The following LZIC variants were observed in gnomAD, a reference collection of about 807,000 sequenced individuals.
LZIC encodes protein LZIC.
LZIC carries 28 observed loss-of-function variants against 25.4 expected under a neutral mutation model. The observed-to-expected ratio is 1.10, with a 90% confidence interval of 0.82 to 1.51. The LOEUF (loss-of-function observed/expected upper bound fraction) is 1.51, where lower values mean the gene tolerates loss of function less well. Among genes scored for constraint, LZIC ranks in the 40% most tolerant of loss-of-function variants. The pLI is 0.00. For missense variants in LZIC, 170 were observed against 211.1 expected (o/e 0.81, Z 1.21); for synonymous variants, 65 against 70.7 (o/e 0.92, Z 0.40).
rs370067410 is a variant in LZIC, at chr1:9,931,225, CCTAG to C, written c.514+662_514+665del. Among the ~76,000 whole-genome samples the C allele has an allele frequency of 8.6e-3, 1,306 of 151,800 alleles. 20 individuals are homozygous for C. The highest frequency in any genetic ancestry group is 0.03 in the African/African-American group (1,254 of 41,360). On this transcript the variant is annotated intron_variant, in intron 7 of 7. Transcript: ENST00000377223. ...AGAACTGTAAGTGCATGCCACCACA[CCTAG>C]CTAATTTTTTTTCTTTTTAATTTTG...
At chr1:9,930,982 G>T (rs1210838993) in intron 7 of LZIC, among the ~76,000 whole-genome samples, 1 of 151,858 alleles carries the variant, frequency 6.6e-6, no homozygotes, top group African/African-American at 2.4e-5. Flanking sequence ...GCCTCCCAAA[G>T]TGCTGGGATT....
Position 9,935,619 on chromosome 1 carries a change from A to C in LZIC, c.110T>G (p.Leu37Arg), listed in dbSNP as rs774979739. 45 of 1,600,734 alleles carry C rather than the reference A, an allele frequency of 2.8e-5. No individual in the cohort carries two copies. Among genetic ancestry groups the C allele is most frequent in the Non-Finnish European group, 3.7e-5 (44 of 1,176,914 alleles). The change falls in exon 4 of 8, where the codon CTT becomes CGT. Residue 37 changes from leucine to arginine, a missense_variant. Physicochemically the swap from Leu to Arg is moderately radical, Grantham distance 102. Transcript: ENST00000377223. ...GGTTTCTTCATATTCATCTGTATCA[A>C]GTTCCTCTCTGAAATAGGTGAACAT... ...LQDLEECREE[L>R]DTDEYEETKK...
At position 9,941,500 on chromosome 1, in the gene LZIC, C is replaced by T. The variant is rs564306686; in HGVS notation, c.-9+1124G>A. Reference sequence around the variant, plus strand: ...GTAAGCTATCGTGCCTAGCCTTTACCTTTTTTTTTTTTTTTTTTGAGATGG... The same window carrying T: ...GTAAGCTATCGTGCCTAGCCTTTACTTTTTTTTTTTTTTTTTTTGAGATGG... On this transcript the variant is annotated intron_variant, in intron 2 of 7. Transcript: ENST00000377223. Among the ~76,000 whole-genome samples the T allele has an allele frequency of 9.8e-5, 13 of 132,454 alleles. No individual in the cohort carries two copies. In the East Asian group the frequency reaches 2.8e-3, roughly 29 times the overall value. The allele number at this position is 132,454 out of a possible 152,430, so 86.9% of individuals were successfully genotyped here. A position where few individuals can be genotyped will look rare whatever the true frequency, so the allele number is the denominator to read the frequency against.
At position 9,930,419 on chromosome 1, in the gene LZIC, C is replaced by T. The variant is rs759443241; in HGVS notation, c.553G>A (p.Val185Ile). Residue 185 changes from valine (V) to isoleucine (I), a missense_variant, in exon 8 of 8, where the codon GTT becomes ATT. Val to Ile is a conservative substitution (Grantham distance 29, BLOSUM62 3). Transcript: ENST00000377223. ...DKILALASFE[V>I]EKTKK is the part of the protein sequence containing the mutation. The stretch of plus-strand genomic sequence containing the variant: ...CCATGTCATTTTTTTGTTTTTTCAA[C>T]CTCAAAACTTGCCAGAGCAAGAATT... The T allele has an allele frequency of 3.7e-6, 6 of 1,613,582 alleles. No individual in the cohort carries two copies. The South Asian group carries it at 5.5e-5, about 15-fold the overall frequency.
chr1:9,930,374 C>A lies in LZIC; in HGVS notation c.*25G>T. On this transcript the variant is annotated 3_prime_UTR_variant, in exon 8 of 8. Coordinates refer to ENST00000377223, the MANE Select transcript of LZIC (RefSeq NM_032368.5). ...ACACCATTTACATTAAGAATGTGAT[C>A]AATGTTACAAGCTTCTGCACCATGT... The A allele has an allele frequency of 6.2e-7, 1 of 1,608,194 alleles. No homozygotes were observed. Among genetic ancestry groups the A allele is most frequent in the South Asian group, 1.1e-5 (1 of 89,828 alleles).
At chr1:9,936,170 T>C (rs976170088) in intron 3 of LZIC, among the ~76,000 whole-genome samples, 11 of 151,398 alleles carry the variant, frequency 7.3e-5, no homozygotes, top group African/African-American at 2.4e-4. Context: ...TGTGGTCCTT[T>C]GTGCAGGTAA....
In LZIC at chr1:9,929,814, A is replaced by C; in HGVS notation, c.*585T>G. On this transcript the variant is annotated 3_prime_UTR_variant, in exon 8 of 8. Transcript: ENST00000377223. Reference sequence around the variant, plus strand: ...TATTTTTTTTAAATGGTACAGAAATAAAATTCAAAAGATACTAAACTGGGA... The same window carrying C: ...TATTTTTTTTAAATGGTACAGAAATCAAATTCAAAAGATACTAAACTGGGA... 1 of 984,558 alleles carries C rather than the reference A, an allele frequency of 1.0e-6. No individual in the cohort carries two copies. Among genetic ancestry groups the C allele is most frequent in the Non-Finnish European group, 1.2e-6 (1 of 829,122 alleles). The allele number at this position is 984,558 out of a possible 1,614,324, so 61.0% of individuals were successfully genotyped here. A position where few individuals can be genotyped will look rare whatever the true frequency, so the allele number is the denominator to read the frequency against.
chr1:9,930,610 C>T (rs565451613), intron 7 of LZIC, among the ~76,000 whole-genome samples, 153 bp from the exon 8 acceptor site: 3 of 152,228 alleles, frequency 2.0e-5, no homozygotes, highest in Non-Finnish European at 4.4e-5. Flanking sequence ...GTTCCCATTG[C>T]CATCCCAATT....
chr1:9,934,982 C>A, intron 4 of LZIC, 122 bp from the exon 5 acceptor site: 1 of 761,984 alleles, frequency 1.3e-6, no homozygotes, highest in African/African-American at 1.7e-5. Flanking sequence ...GAAGCAATTA[C>A]ACAACTAAAT....
chr1:9,939,122 G>T (rs11121502), intron 2 of LZIC, among the ~76,000 whole-genome samples: 15,536 of 151,964 alleles, frequency 0.1, 957 homozygotes, highest in East Asian at 0.27. Context: ...CTGTCGCCCC[G>T]ACTGGAGTGC....
intron 7 of LZIC, among the ~76,000 whole-genome samples, chr1:9,931,609 GC>G (rs1640216895): frequency 6.6e-6 from 1 of 152,122 alleles, no homozygotes; most frequent in African/African-American, 2.4e-5. Context: ...TCACCATGTT[GC>G]CCAGGCTGGT....
At chr1:9,937,847 C>CAAAAAAAAAAAAAA (rs34452687) in intron 2 of LZIC, among the ~76,000 whole-genome samples, 1 of 52,730 alleles carries the variant, frequency 1.9e-5, no homozygotes, top group Non-Finnish European at 3.1e-5. Flanking sequence ...GACCCTGACT[C>CAAAAAAAAAAAAAA]AAAAAAAAAA....
chr1:9,932,976 G>A (rs1640292161), intron 5 of LZIC, 78 bp from the exon 6 acceptor site: 7 of 976,410 alleles, frequency 7.2e-6, no homozygotes, highest in African/African-American at 1.6e-5. Flanking sequence ...TTCAGGCCAG[G>A]CGCAGTGGCT....
rs1640850097 is a variant in LZIC, at chr1:9,943,161, G to A, written c.-168+88C>T. ...CGGGAACTTGAAGTCCGGCACGTAG[G>A]TCCCGCGGCGGCCGGGCTCCAACAG... is the stretch of plus-strand genomic sequence containing the variant. On this transcript the variant is annotated intron_variant, in intron 1 of 7. Coordinates refer to ENST00000377223, the MANE Select transcript of LZIC (RefSeq NM_032368.5). 7 of 175,812 alleles carry A rather than the reference G, an allele frequency of 4.0e-5. No individual in the cohort carries two copies. The South Asian group carries it at 7.6e-4, about 19-fold the overall frequency. 10.9% of individuals were successfully genotyped at this position (175,812 alleles called of 1,614,324 possible). A position where few individuals can be genotyped will look rare whatever the true frequency, so the allele number is the denominator to read the frequency against.
At position 9,941,244 on chromosome 1, in the gene LZIC, G is replaced by A. The variant is rs929338210; in HGVS notation, c.-9+1380C>T. ...ATGGCGTCTCACGGTCACCCAGGTGGAGTGCAGTGGCATGATCTTGGTTCA... is the reference window on the plus strand; with the variant it reads ...ATGGCGTCTCACGGTCACCCAGGTGAAGTGCAGTGGCATGATCTTGGTTCA... On this transcript the variant is annotated intron_variant, in intron 2 of 7. Transcript: ENST00000377223. Among the ~76,000 whole-genome samples the A allele has an allele frequency of 2.6e-5, 4 of 152,046 alleles. No homozygotes were observed. The East Asian group carries it at 7.7e-4, about 29-fold the overall frequency.
chr1:9,931,825 C>T (rs1425342211), intron 7 of LZIC, 66 bp downstream of exon 7: 1 of 1,014,674 alleles, frequency 9.9e-7, no homozygotes. Context: ...CCACACTCTC[C>T]ATCAGTTTGT....
chr1:9,922,870 T>C (rs1433884715), downstream of LZIC, among the ~76,000 whole-genome samples: 1 of 152,164 alleles, frequency 6.6e-6, no homozygotes, highest in African/African-American at 2.4e-5. Flanking sequence ...CTGAAAAGGA[T>C]AAAGGAACTA....
rs1443893110 is a variant in LZIC, at chr1:9,942,621, C to T, written c.-9+3G>A. The T allele has an allele frequency of 1.6e-6, 2 of 1,275,890 alleles. No individual in the cohort carries two copies. The highest frequency in any genetic ancestry group is 2.0e-6 in the Non-Finnish European group (2 of 977,674). The allele number at this position is 1,275,890 out of a possible 1,614,324, so 79.0% of individuals were successfully genotyped here. On this transcript the variant is annotated splice_donor_region_variant and intron_variant, in intron 2 of 7. Coordinates refer to ENST00000377223, the MANE Select transcript of LZIC (RefSeq NM_032368.5). Reference sequence around the variant, plus strand: ...GGAGCGGAGGGTCCTCATTCATGCTCACCTGTCTCTTAGTACTCTGATCTC... The same window carrying T: ...GGAGCGGAGGGTCCTCATTCATGCTTACCTGTCTCTTAGTACTCTGATCTC...
At chr1:9,941,300 C>G (rs562046598) in intron 2 of LZIC, among the ~76,000 whole-genome samples, 1 of 150,794 alleles carries the variant, frequency 6.6e-6, no homozygotes, top group East Asian at 2.0e-4. Context: ...GTTCAAGTGA[C>G]TCTCCTGCCT....
Sources: allele counts gnomAD v4.1 joint callset (sites outside exome capture counted in the v4.1 genomes callset), GRCh38; gene constraint gnomAD v4.1.1; transcripts MANE v1.5; gene names NCBI Gene and HGNC (gene_info 2026-07-23, HGNC 2026-07-21).